The following BICC1 variants were observed in gnomAD, a reference collection of about 807,000 sequenced individuals.
BICC1 encodes protein bicaudal C homolog 1.
A neutral mutation model predicts 111.0 loss-of-function variants in BICC1; 43 were observed. That is an observed-to-expected ratio of 0.39 (90% CI 0.30 to 0.50). The LOEUF is 0.50. Ranked by LOEUF, BICC1 falls within the 20% of genes least tolerant of loss-of-function variation. The pLI, the probability that BICC1 is intolerant of heterozygous loss-of-function variation, is 0.88. For missense variants in BICC1, 1,091 were observed against 1,203.2 expected (o/e 0.91, Z 1.38); for synonymous variants, 467 against 434.4 (o/e 1.07, Z -0.93).
intron 2 of BICC1, among the ~76,000 whole-genome samples, chr10:58,680,664 G>C (rs1281412880): frequency 6.6e-6 from 1 of 151,956 alleles, no homozygotes; most frequent in Non-Finnish European, 1.5e-5. Flanking sequence ...CACAGAATTA[G>C]AAAAATCTAC....
At chr10:58,819,066 G>A (rs1192570508) in intron 19 of BICC1, among the ~76,000 whole-genome samples, 1 of 152,118 alleles carries the variant, frequency 6.6e-6, no homozygotes, top group Non-Finnish European at 1.5e-5. Flanking sequence ...GTGGTCTGTA[G>A]GCCAACTGCC....
intron 1 of BICC1, among the ~76,000 whole-genome samples, chr10:58,546,609 A>G (rs543658515): frequency 6.6e-6 from 1 of 152,250 alleles, no homozygotes; most frequent in South Asian, 2.1e-4. Flanking sequence ...GAAGTCCTCT[A>G]AGACTCAGCT....
chr10:58,584,970 A>C (rs1844390268), intron 1 of BICC1, among the ~76,000 whole-genome samples: 1 of 152,210 alleles, frequency 6.6e-6, no homozygotes, highest in Non-Finnish European at 1.5e-5. Flanking sequence ...CATAAATAAA[A>C]TTAGTCATTG....
chr10:58,586,911 G>A (rs1246415149), intron 1 of BICC1, among the ~76,000 whole-genome samples: 1 of 152,128 alleles, frequency 6.6e-6, no homozygotes, highest in Non-Finnish European at 1.5e-5. Flanking sequence ...TTGTAGCCAG[G>A]TTCTTCTCTG....
chr10:58,745,602 G>GCCCCCC (rs35346412), intron 3 of BICC1, among the ~76,000 whole-genome samples: 3 of 78,722 alleles, frequency 3.8e-5, no homozygotes, highest in African/African-American at 1.7e-4. Context: ...GCCCCCCACC[G>GCCCCCC]CCCCCCCCCC....
At chr10:58,698,445 C>G (rs759966833) in intron 2 of BICC1, among the ~76,000 whole-genome samples, 1 of 152,132 alleles carries the variant, frequency 6.6e-6, no homozygotes, top group Non-Finnish European at 1.5e-5. Flanking sequence ...AACTTTTTCT[C>G]CTCCTTTAGG....
chr10:58,592,646 CG>C (rs1564502197), intron 1 of BICC1, among the ~76,000 whole-genome samples: 1 of 150,354 alleles, frequency 6.7e-6, no homozygotes, highest in Non-Finnish European at 1.5e-5. Context: ...ACCCAGGAGG[CG>C]GAGGTAGCAG....
intron 2 of BICC1, among the ~76,000 whole-genome samples, chr10:58,638,240 A>G (rs2132200844): frequency 6.6e-6 from 1 of 152,256 alleles, no homozygotes. Context: ...ATTGCCTGTA[A>G]GCCAGGAGTT....
At chr10:58,774,181 A>G (rs530021432) in intron 3 of BICC1, among the ~76,000 whole-genome samples, 2 of 152,358 alleles carry the variant, frequency 1.3e-5, no homozygotes, top group South Asian at 4.1e-4. Flanking sequence ...ATTCAGAGCC[A>G]AAGTATGTCA....
In BICC1 at chr10:58,829,255, T is replaced by G. The variant is rs1844492374; in HGVS notation, c.*364T>G. Reference sequence around the variant, plus strand: ...ATGAAGGATGAATTGACATCTGGGATGCCAGAAGACTTAGAAGTTATTTTG... The same window carrying G: ...ATGAAGGATGAATTGACATCTGGGAGGCCAGAAGACTTAGAAGTTATTTTG... On this transcript the variant is annotated 3_prime_UTR_variant, in exon 21 of 21. Coordinates refer to ENST00000373886, the MANE Select transcript of BICC1 (RefSeq NM_001080512.3). The G allele has an allele frequency of 7.0e-6, 1 of 143,200 alleles. No homozygotes were observed. Among genetic ancestry groups the G allele is most frequent in the Non-Finnish European group, 1.5e-5 (1 of 68,278 alleles). 8.9% of individuals were successfully genotyped at this position (143,200 alleles called of 1,614,324 possible).
chr10:58,806,391 A>G (rs1228405036), intron 15 of BICC1, among the ~76,000 whole-genome samples, 193 bp from the exon 16 acceptor site: 1 of 152,042 alleles, frequency 6.6e-6, no homozygotes, highest in African/African-American at 2.4e-5. Flanking sequence ...TATTATTACT[A>G]ATTAATTAGT....
chr10:58,569,800 AT>A (rs1843889795), intron 1 of BICC1, among the ~76,000 whole-genome samples: 1 of 152,172 alleles, frequency 6.6e-6, no homozygotes, highest in South Asian at 2.1e-4. Flanking sequence ...ATTGGTGGAC[AT>A]TTGGGTTGGT....
intron 1 of BICC1, among the ~76,000 whole-genome samples, chr10:58,530,319 C>G (rs1211982434): frequency 6.6e-6 from 1 of 151,736 alleles, no homozygotes; most frequent in African/African-American, 2.4e-5. Flanking sequence ...AGGATGACTA[C>G]TACTTCTGGT....
chr10:58,789,185 G>T (rs1843101035), intron 6 of BICC1, 77 bp from the exon 7 acceptor site: 2 of 1,233,944 alleles, frequency 1.6e-6, no homozygotes, highest in African/African-American at 3.0e-5. Flanking sequence ...CTTCAGAAAA[G>T]AACCAATGAA....
intron 1 of BICC1, among the ~76,000 whole-genome samples, chr10:58,609,338 C>G (rs1352115979): frequency 2.0e-5 from 3 of 152,172 alleles, no homozygotes; most frequent in Non-Finnish European, 4.4e-5. Flanking sequence ...CTGACTCTTA[C>G]TATTTGGAAA....
At chr10:58,695,659 T>G (rs1384484812) in intron 2 of BICC1, among the ~76,000 whole-genome samples, 1 of 152,184 alleles carries the variant, frequency 6.6e-6, no homozygotes, top group Non-Finnish European at 1.5e-5. Flanking sequence ...GCGAAGAATT[T>G]GGTGAAATAA....
intron 19 of BICC1, among the ~76,000 whole-genome samples, chr10:58,818,091 G>A (rs1844150420): frequency 6.6e-6 from 1 of 152,088 alleles, no homozygotes; most frequent in Non-Finnish European, 1.5e-5. Flanking sequence ...ATCTTTATTT[G>A]TGGCACTTAA....
chr10:58,660,241 G>A (rs927274523), intron 2 of BICC1, among the ~76,000 whole-genome samples: 2 of 152,144 alleles, frequency 1.3e-5, no homozygotes, highest in African/African-American at 2.4e-5. Flanking sequence ...CTCAAGTAGT[G>A]TATTTGTCTT....
intron 3 of BICC1, among the ~76,000 whole-genome samples, chr10:58,713,887 A>G (rs1210890944): frequency 6.6e-6 from 1 of 152,028 alleles, no homozygotes; most frequent in Non-Finnish European, 1.5e-5. Flanking sequence ...TTTGAGATCC[A>G]TTAAGGATTT....
Sources: gnomAD v4.1 joint callset for allele counts (sites outside exome capture counted in the v4.1 genomes callset) on GRCh38, gnomAD v4.1.1 for gene constraint, MANE v1.5 for transcripts, NCBI Gene and HGNC (gene_info 2026-07-23, HGNC 2026-07-21) for gene names.